Variants in SLC12A2 observed in about 807,000 individuals in gnomAD.
The protein encoded by SLC12A2 is solute carrier family 12 member 2.
SLC12A2 carries 67 observed loss-of-function variants against 136.3 expected under a neutral mutation model. The ratio of observed to expected loss-of-function variants is 0.49; its 90% CI spans 0.40 to 0.60. The LOEUF (loss-of-function observed/expected upper bound fraction) is 0.60. SLC12A2 is among the 20% of genes least tolerant of loss of function. The probability of loss-of-function intolerance (pLI) is 0.00; values close to 1 mark genes in which losing one functional copy is unlikely to be tolerated. For synonymous variants in SLC12A2, 619 were observed against 562.9 expected (o/e 1.10, Z -1.41); for missense variants, 1,322 against 1,534.7 (o/e 0.86, Z 2.32).
At chr5:128,166,525 G>T (rs920748357) in intron 17 of SLC12A2, among the ~76,000 whole-genome samples, 2 of 151,870 alleles carry the variant, frequency 1.3e-5, no homozygotes, top group Non-Finnish European at 2.9e-5. Flanking sequence ...CCATAAAAAG[G>T]AATGAAGTTC....
At chr5:128,098,508 G>C (rs1355265385) in intron 1 of SLC12A2, among the ~76,000 whole-genome samples, 3 of 147,130 alleles carry the variant, frequency 2.0e-5, no homozygotes, top group African/African-American at 7.5e-5. Flanking sequence ...TTTTTTTCTT[G>C]AGTGTGTGTT....
At position 128,184,776 on chromosome 5, in the gene SLC12A2, T is replaced by C. The variant is rs1171359033; in HGVS notation, c.3436-13T>C. The C allele has an allele frequency of 1.9e-6, 3 of 1,611,282 alleles. No homozygotes were observed. In the East Asian group the frequency reaches 6.7e-5, roughly 36 times the overall value. On this transcript the variant is annotated splice_polypyrimidine_tract_variant and intron_variant, in intron 25 of 26. Coordinates refer to ENST00000262461, the MANE Select transcript of SLC12A2 (RefSeq NM_001046.3). ...CCACATGGTCTAGGAATGACTGTCC[T>C]GTTTCATTTCAGACATACCGGCAGA...
intron 1 of SLC12A2, among the ~76,000 whole-genome samples, chr5:128,105,306 T>C (rs1211070302): frequency 6.6e-6 from 1 of 152,160 alleles, no homozygotes; most frequent in African/African-American, 2.4e-5. Context: ...ATGAGTCTGG[T>C]ACGATAACCA....
At chr5:128,135,675 T>A in intron 6 of SLC12A2, 25 bp from the exon 7 acceptor site, 1 of 1,386,708 alleles carries the variant, frequency 7.2e-7, no homozygotes. Flanking sequence ...TACTTGATTT[T>A]AATTTTTAAT....
At position 128,084,831 on chromosome 5, in the gene SLC12A2, A is replaced by G. The variant is rs1760026075; in HGVS notation, c.756+121A>G. 3 of 1,100,216 alleles carry G rather than the reference A, an allele frequency of 2.7e-6. No homozygotes were observed. The highest frequency in any genetic ancestry group is 2.6e-4 in the Middle Eastern group (1 of 3,830). 68.2% of individuals were successfully genotyped at this position (1,100,216 alleles called of 1,614,324 possible). On this transcript the variant is annotated intron_variant, in intron 1 of 26. Coordinates refer to ENST00000262461, the MANE Select transcript of SLC12A2 (RefSeq NM_001046.3). The surrounding 1 kb of genome is among the most constrained non-coding windows in gnomAD (Gnocchi z 5.6). ...TAGTAGACGTGCACGACTTGCTGGC[A>G]TCTCTGGATTCAGCTGTCAAGGGTG...
At chr5:128,182,964 G>A (rs772107033) in intron 24 of SLC12A2, 23 bp downstream of exon 24, 110 of 1,493,104 alleles carry the variant, frequency 7.4e-5, no homozygotes, top group Non-Finnish European at 9.8e-5. Flanking sequence ...ACAAATTTCT[G>A]ATCCCTTTAT....
chr5:128,088,113 A>G (rs1337182439), intron 1 of SLC12A2, among the ~76,000 whole-genome samples: 1 of 151,666 alleles, frequency 6.6e-6, no homozygotes, highest in African/African-American at 2.4e-5. Context: ...GGACTAAATT[A>G]CTTAGGGAGA....
rs765701681 is a variant in SLC12A2, at chr5:128,084,503, C to T, written c.549C>T (p.Ser183=). 6.2e-7 allele frequency: 1 copy of T among 1,612,764 alleles called. No individual in the cohort carries two copies. Among genetic ancestry groups the T allele is most frequent in the Non-Finnish European group, 8.5e-7 (1 of 1,179,738 alleles). The part of the protein sequence containing the change: ...NGGDTVLSEG[S]SLHSGGGGGS... ...GGGACACGGTGCTGAGCGAGGGCAG[C>T]AGCCTGCACTCCGGCGGCGGCGGCG... The change falls in exon 1 of 27, where the codon AGC becomes AGT. Residue 183 remains serine, a synonymous_variant. Coordinates refer to ENST00000262461, the MANE Select transcript of SLC12A2 (RefSeq NM_001046.3). This position sits in a 1 kb window ranked among gnomAD's most constrained non-coding sequence, Gnocchi z 5.6.
chr5:128,172,916 A>C (rs1231030062), intron 19 of SLC12A2, among the ~76,000 whole-genome samples: 2 of 151,774 alleles, frequency 1.3e-5, no homozygotes, highest in Non-Finnish European at 2.9e-5. Context: ...GCTCCTTTGC[A>C]CTCCAGCCTG....
chr5:128,091,350 A>G (rs1360338590), intron 1 of SLC12A2, among the ~76,000 whole-genome samples: 1 of 152,208 alleles, frequency 6.6e-6, no homozygotes, highest in African/African-American at 2.4e-5. Context: ...AATGAGGCAA[A>G]CAGGTAAAAT....
chr5:128,092,522 A>G (rs1760371914), intron 1 of SLC12A2, among the ~76,000 whole-genome samples: 1 of 152,230 alleles, frequency 6.6e-6, no homozygotes, highest in Non-Finnish European at 1.5e-5. Context: ...TGAACTACAT[A>G]TGTCATTTAA....
intron 4 of SLC12A2, among the ~76,000 whole-genome samples, chr5:128,128,642 A>G (rs1054972686): frequency 4.6e-5 from 7 of 152,072 alleles, no homozygotes; most frequent in African/African-American, 1.7e-4. Context: ...TAGCCAAATT[A>G]CTTAACCTCC....
intron 1 of SLC12A2, among the ~76,000 whole-genome samples, chr5:128,101,474 G>C (rs1244517925): frequency 1.3e-5 from 2 of 152,034 alleles, no homozygotes; most frequent in Non-Finnish European, 2.9e-5. Flanking sequence ...GTAAATAAAT[G>C]GCATTTTTAG....
intron 16 of SLC12A2, among the ~76,000 whole-genome samples, chr5:128,160,469 A>C (rs943036489): frequency 2.0e-5 from 3 of 152,142 alleles, no homozygotes; most frequent in African/African-American, 7.2e-5. Context: ...AGAAATAGGC[A>C]AATTGTGATA....
intron 1 of SLC12A2, among the ~76,000 whole-genome samples, chr5:128,093,457 T>C (rs1398914878): frequency 6.6e-6 from 1 of 152,202 alleles, no homozygotes; most frequent in Non-Finnish European, 1.5e-5. Context: ...TTTTGTTTTA[T>C]GTCTCAAAGA....
chr5:128,114,400 A>G lies in SLC12A2; in HGVS notation c.952+113A>G, dbSNP rs1581074582. ...GTCATTTTTAACTACGTTTTCCTTT[A>G]TATCAGATTGTTATCTTGATGTTCC... On this transcript the variant is annotated intron_variant, in intron 3 of 26. Coordinates refer to ENST00000262461, the MANE Select transcript of SLC12A2 (RefSeq NM_001046.3). 5.6e-6 allele frequency: 5 copies of G among 892,202 alleles called. No individual in the cohort carries two copies. The East Asian group carries it at 1.2e-4, about 22-fold the overall frequency. The allele number at this position is 892,202 out of a possible 1,614,324, so 55.3% of individuals were successfully genotyped here.
At chr5:128,164,007 T>G (rs937336368) in intron 17 of SLC12A2, among the ~76,000 whole-genome samples, 1 of 152,026 alleles carries the variant, frequency 6.6e-6, no homozygotes, top group African/African-American at 2.4e-5. Flanking sequence ...TTTATATAAT[T>G]TATAGGAACA....
intron 15 of SLC12A2, 79 bp from the exon 16 acceptor site, chr5:128,157,971 GCTT>G: frequency 1.8e-6 from 2 of 1,136,798 alleles, no homozygotes; most frequent in Non-Finnish European, 2.6e-6. Flanking sequence ...TATACAGAAA[GCTT>G]CTTAGGGAAA....
intron 1 of SLC12A2, chr5:128,110,804 G>C: frequency 6.7e-7 from 1 of 1,490,500 alleles, no homozygotes. Context: ...GCAAAAGCAG[G>C]ACAAGAATTT....
Sources: allele counts gnomAD v4.1 joint callset (sites outside exome capture counted in the v4.1 genomes callset), GRCh38; gene constraint gnomAD v4.1.1; non-coding constraint Gnocchi (gnomAD v3.1); transcripts MANE v1.5; gene names NCBI Gene and HGNC (gene_info 2026-07-23, HGNC 2026-07-21).